The following CTBP1 variants were observed in gnomAD, a reference collection of about 807,000 sequenced individuals.
CTBP1 encodes C-terminal-binding protein 1.
A neutral mutation model predicts 42.1 loss-of-function variants in CTBP1; 11 were observed. The observed-to-expected ratio is 0.26, with a 90% CI of 0.16 to 0.43. The LOEUF is 0.43. Ranked by LOEUF, CTBP1 falls within the 20% of genes least tolerant of loss-of-function variation. CTBP1 has a pLI of 1.00. For missense variants in CTBP1, 399 were observed against 624.3 expected, an observed-to-expected ratio of 0.64 and a Z score of 3.85; for synonymous variants, 324 against 277.1, an observed-to-expected ratio of 1.17 and a Z score of -1.68.
chr4:1,219,168 C>A (rs940486552), intron 5 of CTBP1, among the ~76,000 whole-genome samples: 5 of 151,722 alleles, frequency 3.3e-5, no homozygotes, highest in African/African-American at 1.2e-4. Context: ...TTTGTCTCTA[C>A]CAAAAAATAA....
intron 3 of CTBP1, among the ~76,000 whole-genome samples, chr4:1,232,492 A>C (rs564984825): frequency 5.9e-5 from 9 of 151,946 alleles, no homozygotes; most frequent in East Asian, 1.9e-4. Context: ...CTATATTTTT[A>C]GTAGAGACGA....
chr4:1,241,696 G>A (rs1461706057), intron 1 of CTBP1, 177 bp from the exon 2 acceptor site: 29 of 1,248,410 alleles, frequency 2.3e-5, no homozygotes, highest in African/African-American at 9.3e-5. Flanking sequence ...GGCTCCTGCC[G>A]CACACACGAA....
At chr4:1,234,310 G>C (rs1731263418) in intron 3 of CTBP1, among the ~76,000 whole-genome samples, 1 of 152,156 alleles carries the variant, frequency 6.6e-6, no homozygotes, top group African/African-American at 2.4e-5. Flanking sequence ...TTAATTTCAA[G>C]CTCTCCTAGT....
intron 1 of CTBP1, chr4:1,244,750 C>A: frequency 1.0e-6 from 1 of 985,316 alleles, no homozygotes; most frequent in Non-Finnish European, 1.2e-6. Context: ...GAGTGGCCCT[C>A]TCGTGACAAA....
rs1185162847 is a variant in CTBP1 at position 1,225,558 on chromosome 4, C to G, written c.316G>C (p.Val106Leu). ...IKSAGDLGIA[V>L]CNVPAASVEE... is the part of the protein sequence containing the mutation. ...ACAGACGCCGCGGGCACGTTGCAGA[C>G]GGCAATGCCTGTGGGGACAAGGACA... is the stretch of plus-strand genomic sequence containing the variant. The change falls in exon 5 of 10, where the codon GTC becomes CTC. Residue 106 changes from valine (V) to leucine (L), a missense_variant. Val to Leu is a conservative substitution (Grantham distance 32). This residue lies in a region of CTBP1 where 309 missense variants were observed against 497.5 expected (regional missense o/e 0.62). Coordinates refer to ENST00000382952, the MANE Select transcript of CTBP1 (RefSeq NM_001012614.2). The G allele has an allele frequency of 6.5e-7, 1 of 1,540,604 alleles. No homozygotes were observed. The highest frequency in any genetic ancestry group is 2.4e-5 in the East Asian group (1 of 40,896).
At chr4:1,225,203 G>C (rs754950658) in intron 5 of CTBP1, 157 bp downstream of exon 5, 4 of 840,124 alleles carry the variant, frequency 4.8e-6, no homozygotes, top group South Asian at 1.8e-5. Flanking sequence ...TGGGACTCCC[G>C]GGCCCTGGTG....
chr4:1,222,305 C>T (rs928189024), intron 5 of CTBP1, among the ~76,000 whole-genome samples: 2 of 151,240 alleles, frequency 1.3e-5, no homozygotes, highest in African/African-American at 4.8e-5. Flanking sequence ...GAGGCTGCAG[C>T]GTCAGGGGGC....
intron 1 of CTBP1, 164 bp downstream of exon 1, chr4:1,248,752 C>A (rs1482403234): frequency 9.2e-6 from 9 of 979,572 alleles, no homozygotes; most frequent in Non-Finnish European, 9.7e-6. Context: ...CGGTCCCGCC[C>A]CCGACCGCGG....
rs1731425309 is a variant in CTBP1 at position 1,235,699 on chromosome 4, CG to C, written c.162+2483del. The C allele has an allele frequency of 1.3e-5, 2 of 152,238 alleles. No homozygotes were observed. The highest frequency in any genetic ancestry group is 1.3e-4 in the Admixed American group (2 of 15,268). 9.4% of individuals were successfully genotyped at this position (152,238 alleles called of 1,614,324 possible). On this transcript the variant is annotated intron_variant, in intron 3 of 9. Coordinates refer to ENST00000382952, the MANE Select transcript of CTBP1 (RefSeq NM_001012614.2). The surrounding 1 kb of genome is among the most constrained non-coding windows in gnomAD (Gnocchi z 4.2). Reference sequence around the variant, plus strand: ...TGGGGTGATCGGCTCGTGGGCAGCACGGGGAGCTCCTGCGGGTGGCACTGCT... The same window carrying C: ...TGGGGTGATCGGCTCGTGGGCAGCACGGGAGCTCCTGCGGGTGGCACTGCT...
chr4:1,245,300 C>T (rs1166665349), intron 1 of CTBP1: 4 of 985,312 alleles, frequency 4.1e-6, no homozygotes, highest in Admixed American at 6.1e-5. Flanking sequence ...CCAGGACATC[C>T]GTGGAGCCGC....
intron 1 of CTBP1, chr4:1,242,883 C>A: frequency 1.0e-6 from 1 of 985,434 alleles, no homozygotes; most frequent in Non-Finnish European, 1.2e-6. Context: ...AGGCACCGCG[C>A]CACCCACGCC....
chr4:1,228,365 G>C (rs1730604822), intron 3 of CTBP1, 22 bp from the exon 4 acceptor site: 6 of 1,608,470 alleles, frequency 3.7e-6, no homozygotes, highest in Non-Finnish European at 4.3e-6. Flanking sequence ...AAGCACACAG[G>C]CTCAGCCCGG....
At chr4:1,222,827 C>T (rs1377818116) in intron 5 of CTBP1, among the ~76,000 whole-genome samples, 1 of 152,144 alleles carries the variant, frequency 6.6e-6, no homozygotes, top group Non-Finnish European at 1.5e-5. Flanking sequence ...GCCGGGACCA[C>T]AGACCCCGAC....
chr4:1,242,012 T>C (rs1470264036), intron 1 of CTBP1: 10 of 1,000,124 alleles, frequency 1.0e-5, no homozygotes, highest in Non-Finnish European at 1.2e-5. Flanking sequence ...TGCTGCTGGC[T>C]TTCCAGCATC....
chr4:1,236,298 G>T, intron 3 of CTBP1: 1 of 336,610 alleles, frequency 3.0e-6, no homozygotes, highest in Non-Finnish European at 5.5e-6. Flanking sequence ...TTCTCATCAC[G>T]GAGGAGCCTG....
At chr4:1,223,307 G>A (rs558091566) in intron 5 of CTBP1, 18 of 389,374 alleles carry the variant, frequency 4.6e-5, no homozygotes, top group South Asian at 2.9e-4. Context: ...ATCCTCACAG[G>A]CTCCAGCCAG....
intron 1 of CTBP1, chr4:1,243,782 C>T: frequency 1.0e-6 from 1 of 985,462 alleles, no homozygotes; most frequent in Non-Finnish European, 1.2e-6. Context: ...ACACGGCTCC[C>T]AGAGGGGCCT....
intron 1 of CTBP1, chr4:1,243,121 C>T: frequency 1.0e-6 from 1 of 985,458 alleles, no homozygotes; most frequent in Non-Finnish European, 1.2e-6. Flanking sequence ...CCGGCTGCTG[C>T]TCGTCAAGAC....
chr4:1,212,854 G>A, intron 9 of CTBP1, 59 bp downstream of exon 9: 2 of 1,430,852 alleles, frequency 1.4e-6, no homozygotes, highest in Non-Finnish European at 2.0e-6. Flanking sequence ...GCTGTGCTGG[G>A]ATCCAGGGGA....
Sources: allele counts gnomAD v4.1 joint callset (sites outside exome capture counted in the v4.1 genomes callset), GRCh38; gene constraint gnomAD v4.1.1; regional missense constraint gnomAD v4.1.1; non-coding constraint Gnocchi (gnomAD v3.1); transcripts MANE v1.5; gene names NCBI Gene and HGNC (gene_info 2026-07-23, HGNC 2026-07-21).